NELL1: variants seen among roughly 807,000 people sequenced by gnomAD.
NELL1 encodes neural EGFL like 1.
NELL1 carries 76 observed loss-of-function variants against 107.4 expected under a neutral mutation model. The observed-to-expected ratio is 0.71, with a 90% CI of 0.59 to 0.86. NELL1 has a LOEUF of 0.86. Among genes scored for constraint, NELL1 ranks in the 40% least tolerant of loss-of-function variants. The pLI is 0.00. For synonymous variants in NELL1, 353 were observed against 341.2 expected, an observed-to-expected ratio of 1.03 and a Z score of -0.38; for missense variants, 1,024 against 1,005.5, an observed-to-expected ratio of 1.02 and a Z score of -0.25.
intron 14 of NELL1, among the ~76,000 whole-genome samples, chr11:21,264,989 A>T (rs1050923606): frequency 2.0e-5 from 3 of 152,016 alleles, no homozygotes; most frequent in Non-Finnish European, 4.4e-5. Context: ...AGAGTGGCAT[A>T]GTAAAGGCCT....
intron 10 of NELL1, among the ~76,000 whole-genome samples, chr11:20,946,322 C>T (rs968029309): frequency 6.6e-6 from 1 of 152,054 alleles, no homozygotes; most frequent in African/African-American, 2.4e-5. Flanking sequence ...ACTTAAGCAT[C>T]CCCTTAAAAA....
At chr11:21,065,899 G>A (rs910735541) in intron 12 of NELL1, among the ~76,000 whole-genome samples, 1 of 152,156 alleles carries the variant, frequency 6.6e-6, no homozygotes, top group Non-Finnish European at 1.5e-5. Flanking sequence ...TCATCAGAAT[G>A]GACTTGCTAG....
At chr11:21,508,782 AT>A (rs144961202) in intron 15 of NELL1, among the ~76,000 whole-genome samples, 4,039 of 148,736 alleles carry the variant, frequency 0.027, 189 homozygotes, top group African/African-American at 0.094. Flanking sequence ...TTCCAAAAAA[AT>A]CAACTATGTT....
intron 2 of NELL1, among the ~76,000 whole-genome samples, chr11:20,683,980 A>G (rs2133857147): frequency 6.8e-6 from 1 of 147,450 alleles, no homozygotes; most frequent in Middle Eastern, 3.6e-3. Context: ...CTTGGGAAAA[A>G]TTTGGCCATT....
intron 15 of NELL1, among the ~76,000 whole-genome samples, chr11:21,388,787 C>A (rs563651075): frequency 1.3e-5 from 2 of 151,790 alleles, no homozygotes; most frequent in South Asian, 4.2e-4. Context: ...TAATACATCC[C>A]CAGAGAAATA....
intron 2 of NELL1, among the ~76,000 whole-genome samples, chr11:20,746,666 A>G (rs532517700): frequency 4.6e-4 from 70 of 152,194 alleles, no homozygotes; most frequent in African/African-American, 1.6e-3. Context: ...TGATTTTCAG[A>G]TAAAGGACAT....
chr11:20,859,240 G>T (rs571238732), intron 4 of NELL1, among the ~76,000 whole-genome samples: 1 of 152,168 alleles, frequency 6.6e-6, no homozygotes, highest in African/African-American at 2.4e-5. Context: ...GGGGTTCCAC[G>T]GACATTGGTT....
intron 14 of NELL1, among the ~76,000 whole-genome samples, chr11:21,278,442 A>G (rs1225954284): frequency 6.6e-6 from 1 of 152,224 alleles, no homozygotes; most frequent in Admixed American, 6.5e-5. Flanking sequence ...ACTATAGCAT[A>G]GTGGCAGAAT....
chr11:21,326,995 G>T (rs1287927982), intron 14 of NELL1, among the ~76,000 whole-genome samples: 2 of 151,822 alleles, frequency 1.3e-5, no homozygotes, highest in East Asian at 3.9e-4. Flanking sequence ...TGATATTATG[G>T]ATACCTATAT....
intron 12 of NELL1, among the ~76,000 whole-genome samples, chr11:20,995,564 C>T (rs992669283): frequency 4.7e-5 from 7 of 150,212 alleles, no homozygotes; most frequent in Admixed American, 1.3e-4. Flanking sequence ...AGCAGCAGAG[C>T]GAGACTCCAT....
intron 14 of NELL1, among the ~76,000 whole-genome samples, chr11:21,319,866 G>A (rs1849970187): frequency 1.3e-5 from 2 of 152,140 alleles, no homozygotes; most frequent in South Asian, 4.1e-4. Context: ...TGTTAAATCT[G>A]TCAGCCTTAT....
At chr11:21,341,473 TA>T (rs981664583) in intron 14 of NELL1, among the ~76,000 whole-genome samples, 8 of 152,228 alleles carry the variant, frequency 5.3e-5, no homozygotes, top group Admixed American at 2.6e-4. Flanking sequence ...CAGGCATTTG[TA>T]AACAAAGCCT....
At chr11:21,028,320 C>G (rs1852869112) in intron 12 of NELL1, among the ~76,000 whole-genome samples, 1 of 152,026 alleles carries the variant, frequency 6.6e-6, no homozygotes, top group Non-Finnish European at 1.5e-5. Flanking sequence ...TAAGCCACCT[C>G]TGGGCTGGGT....
At chr11:21,348,802 G>C (rs1850739961) in intron 14 of NELL1, among the ~76,000 whole-genome samples, 1 of 152,166 alleles carries the variant, frequency 6.6e-6, no homozygotes, top group African/African-American at 2.4e-5. Context: ...AGGAATTACA[G>C]AGTGAACAGT....
chr11:20,847,800 G>A (rs1289277013), intron 4 of NELL1, 47 bp downstream of exon 4: 20 of 1,539,970 alleles, frequency 1.3e-5, no homozygotes, highest in Non-Finnish European at 1.7e-5. Context: ...TTGAAATCAA[G>A]CAATGGAAAA....
In NELL1 at chr11:20,785,285, C is replaced by T. The variant is rs1212136553; in HGVS notation, c.335+1455C>T. 2.6e-5 allele frequency among the ~76,000 whole-genome samples: 4 copies of T among 152,196 alleles called. No homozygotes were observed. In the East Asian group the frequency reaches 7.7e-4, roughly 29 times the overall value. ...TCAAAGCGTGGTGATGGACCCTGATCATTTTGTGGGGGTGTTGTCATTACA... is the reference window on the plus strand; with the variant it reads ...TCAAAGCGTGGTGATGGACCCTGATTATTTTGTGGGGGTGTTGTCATTACA... On this transcript the variant is annotated intron_variant, in intron 3 of 19. Transcript: ENST00000357134.
chr11:21,050,821 A>G lies in NELL1; in HGVS notation c.1301-62768A>G, dbSNP rs536431364. 2.2e-4 allele frequency among the ~76,000 whole-genome samples: 34 copies of G among 152,200 alleles called. 1 individual carries two copies. In the South Asian group the frequency reaches 2.7e-3, roughly 12 times the overall value. On this transcript the variant is annotated intron_variant, in intron 12 of 19. Coordinates refer to ENST00000357134, the MANE Select transcript of NELL1 (RefSeq NM_006157.5). ...GATTCTGATACTCTGTAATTCTGAG[A>G]TCTATTCTAGATAGCCAAGTGGCTG...
chr11:21,191,001 T>C (rs1857037825), intron 13 of NELL1, among the ~76,000 whole-genome samples: 1 of 151,786 alleles, frequency 6.6e-6, no homozygotes, highest in African/African-American at 2.4e-5. Context: ...ATAGGGTGGT[T>C]TGAGAGCATG....
chr11:21,456,995 C>CCTG (rs75746445), intron 15 of NELL1, among the ~76,000 whole-genome samples: 36,490 of 151,850 alleles, frequency 0.24, 5,087 homozygotes, highest in African/African-American at 0.38. Flanking sequence ...AATACACACA[C>CCTG]ACACACACCA....
Sources: gnomAD v4.1 joint callset for allele counts (sites outside exome capture counted in the v4.1 genomes callset) on GRCh38, gnomAD v4.1.1 for gene constraint, MANE v1.5 for transcripts, NCBI Gene and HGNC (gene_info 2026-07-23, HGNC 2026-07-21) for gene names.